SEMA5A: variants seen among roughly 807,000 people sequenced by gnomAD.
SEMA5A encodes semaphorin 5A.
A neutral mutation model predicts 135.5 loss-of-function variants in SEMA5A; 55 were observed. The observed-to-expected ratio is 0.41, with a 90% CI of 0.33 to 0.51. The LOEUF (loss-of-function observed/expected upper bound fraction) is 0.51, where lower values mean the gene tolerates loss of function less well. SEMA5A is among the 20% of genes least tolerant of loss of function. The pLI, the probability that SEMA5A is intolerant of heterozygous loss-of-function variation, is 0.37. For missense variants in SEMA5A, 1,290 were observed against 1,419.9 expected, an observed-to-expected ratio of 0.91 and a Z score of 1.47; for synonymous variants, 580 against 546.5, an observed-to-expected ratio of 1.06 and a Z score of -0.85.
At chr5:9,406,870 TAGAC>T (rs1259602512) in intron 2 of SEMA5A, among the ~76,000 whole-genome samples, 3 of 152,246 alleles carry the variant, frequency 2.0e-5, no homozygotes, top group African/African-American at 7.2e-5. Context: ...CAGTAAAAGT[TAGAC>T]AGTTATTACC....
At chr5:9,221,452 A>T (rs40673) in intron 8 of SEMA5A, among the ~76,000 whole-genome samples, 4 of 147,642 alleles carry the variant, frequency 2.7e-5, no homozygotes, top group Admixed American at 6.7e-5. Context: ...ACAGGCGCCC[A>T]CCACCACGCC....
chr5:9,166,184 G>A (rs1743597960), intron 11 of SEMA5A, among the ~76,000 whole-genome samples: 1 of 152,076 alleles, frequency 6.6e-6, no homozygotes, highest in Non-Finnish European at 1.5e-5. Flanking sequence ...TGTAAGTTCT[G>A]GAGACCCGGC....
At chr5:9,238,387 A>T in intron 5 of SEMA5A, among the ~76,000 whole-genome samples, 1 of 152,230 alleles carries the variant, frequency 6.6e-6, no homozygotes, top group East Asian at 1.9e-4. Flanking sequence ...TGTAAATGAT[A>T]ATCAATCAAT....
intron 17 of SEMA5A, 47 bp downstream of exon 17, chr5:9,066,374 A>G: frequency 6.4e-6 from 10 of 1,565,610 alleles, no homozygotes; most frequent in Non-Finnish European, 7.9e-6. Flanking sequence ...AAAAGATCAA[A>G]GGCCCTTCCA....
intron 14 of SEMA5A, among the ~76,000 whole-genome samples, chr5:9,121,141 A>T (rs1055016272): frequency 6.6e-6 from 1 of 152,202 alleles, no homozygotes. Flanking sequence ...TATATAGGGT[A>T]GTAACTAAAT....
At chr5:9,529,901 T>A (rs1471820398) in intron 1 of SEMA5A, among the ~76,000 whole-genome samples, 2 of 152,236 alleles carry the variant, frequency 1.3e-5, no homozygotes. Flanking sequence ...TCTTCCCTTG[T>A]ATCATTGGAC....
rs185267139 is a variant in SEMA5A, at chr5:9,108,154, C to A, written c.2059G>T (p.Ala687Ser). The change falls in exon 16 of 23, where the codon GCA becomes TCA. Residue 687 changes from alanine (A) to serine (S), a missense_variant. By Grantham distance (99) the Ala-to-Ser change is moderately conservative. Around this residue, in one of 3 missense-constraint regions of SEMA5A, gnomAD observed 1,029 missense variants for 1,086.6 expected, o/e 0.95. Transcript: ENST00000382496. ...RRICENGPDC[A>S]GCNVEYQSCN... is the part of the protein sequence containing the mutation. ...AGGCTACTCACCACATTGCAGCCTG[C>A]ACAGTCAGGCCCATTCTCACAGATC... The A allele has an allele frequency of 4.2e-5, 68 of 1,613,902 alleles. No individual in the cohort carries two copies. Among genetic ancestry groups the A allele is most frequent in the Non-Finnish European group, 5.5e-5 (65 of 1,179,966 alleles).
intron 1 of SEMA5A, among the ~76,000 whole-genome samples, chr5:9,489,559 T>C (rs1232067950): frequency 6.6e-6 from 1 of 152,158 alleles, no homozygotes; most frequent in Non-Finnish European, 1.5e-5. Context: ...TGATCTATAA[T>C]ATTCACTTTA....
At chr5:9,483,024 C>T (rs1431721732) in intron 1 of SEMA5A, among the ~76,000 whole-genome samples, 2 of 152,152 alleles carry the variant, frequency 1.3e-5, no homozygotes, top group Admixed American at 1.3e-4. Context: ...CCTGTTGTGA[C>T]CTTATTGTGG....
At chr5:9,262,360 T>C (rs1479196141) in intron 5 of SEMA5A, among the ~76,000 whole-genome samples, 4 of 69,300 alleles carry the variant, frequency 5.8e-5, no homozygotes, top group Non-Finnish European at 1.0e-4. Context: ...GATCTAGAAC[T>C]AGAAATACCA....
At chr5:9,523,949 G>T (rs553475898) in intron 1 of SEMA5A, among the ~76,000 whole-genome samples, 1 of 152,250 alleles carries the variant, frequency 6.6e-6, no homozygotes, top group East Asian at 1.9e-4. Context: ...TTAAGATGAG[G>T]TCTAATATGC....
At chr5:9,161,131 A>AT (rs11365487) in intron 11 of SEMA5A, among the ~76,000 whole-genome samples, 5,589 of 150,146 alleles carry the variant, frequency 0.037, 273 homozygotes, top group African/African-American at 0.12. Context: ...TTAGTGGGGA[A>AT]TTTTTTTTTT....
Position 9,346,851 on chromosome 5 carries a change from A to T in SEMA5A, c.125-9039T>A, listed in dbSNP as rs1334900757. ...TATCTGGCTTCATACACACATAGAT[A>T]TATAAATATAGGCATCAATGTGGTC... On this transcript the variant is annotated intron_variant, in intron 3 of 22. Transcript: ENST00000382496. Among the ~76,000 whole-genome samples, 3 of 152,112 alleles carry T rather than the reference A, an allele frequency of 2.0e-5. No individual in the cohort carries two copies. The East Asian group carries it at 5.8e-4, about 29-fold the overall frequency.
At chr5:9,051,503 CTG>C (rs1247921938) in intron 20 of SEMA5A, among the ~76,000 whole-genome samples, 1 of 152,216 alleles carries the variant, frequency 6.6e-6, no homozygotes, top group African/African-American at 2.4e-5. Flanking sequence ...TGCTTTTTCT[CTG>C]TGTGCCAGTG....
chr5:9,522,430 A>G (rs1736887390), intron 1 of SEMA5A, among the ~76,000 whole-genome samples: 1 of 152,170 alleles, frequency 6.6e-6, no homozygotes, highest in East Asian at 1.9e-4. Context: ...TAAAAATACA[A>G]ACATTTGCTG....
chr5:9,146,234 T>C (rs1742327149), intron 12 of SEMA5A, among the ~76,000 whole-genome samples: 1 of 152,180 alleles, frequency 6.6e-6, no homozygotes, highest in Non-Finnish European at 1.5e-5. Flanking sequence ...ACTGTCCTAA[T>C]TAGCACTTAC....
chr5:9,389,437 A>G (rs1385464303), intron 2 of SEMA5A, among the ~76,000 whole-genome samples: 1 of 152,198 alleles, frequency 6.6e-6, no homozygotes, highest in African/African-American at 2.4e-5. Flanking sequence ...TAACTGCTCT[A>G]AAGCAGGCCT....
intron 12 of SEMA5A, among the ~76,000 whole-genome samples, chr5:9,151,341 A>G (rs1453902641): frequency 1.3e-5 from 2 of 152,202 alleles, no homozygotes; most frequent in South Asian, 2.1e-4. Flanking sequence ...ATACTTCAAG[A>G]TTCATTTATA....
At chr5:9,043,649 T>C (rs910981134) in intron 22 of SEMA5A, among the ~76,000 whole-genome samples, 2 of 152,216 alleles carry the variant, frequency 1.3e-5, no homozygotes, top group Admixed American at 1.3e-4. Context: ...GGGTGCCCAA[T>C]GGCCATCTGT....
Sources: allele counts gnomAD v4.1 joint callset (sites outside exome capture counted in the v4.1 genomes callset), GRCh38; gene constraint gnomAD v4.1.1; regional missense constraint gnomAD v4.1.1; transcripts MANE v1.5; gene names NCBI Gene and HGNC (gene_info 2026-07-23, HGNC 2026-07-21).